Variants in SYNE3 observed in about 807,000 individuals in gnomAD.
The protein encoded by SYNE3 is nesprin-3.
SYNE3 carries 100 observed loss-of-function variants against 111.2 expected under a neutral mutation model. That is an observed-to-expected ratio of 0.90 (90% CI 0.77 to 1.06). The LOEUF (loss-of-function observed/expected upper bound fraction) is 1.06. SYNE3 is among the 50% of genes least tolerant of loss of function. The probability of loss-of-function intolerance (pLI) is 0.00; values close to 1 mark genes in which losing one functional copy is unlikely to be tolerated. For synonymous variants in SYNE3, 547 were observed against 533.9 expected, an observed-to-expected ratio of 1.02 and a Z score of -0.34; for missense variants, 1,160 against 1,240.3, an observed-to-expected ratio of 0.94 and a Z score of 0.97.
chr14:95,468,301 T>C (rs1435037206), intron 2 of SYNE3, among the ~76,000 whole-genome samples: 1 of 152,236 alleles, frequency 6.6e-6, no homozygotes, highest in Non-Finnish European at 1.5e-5. Context: ...CAAGTATTAA[T>C]CGTATCTATC....
chr14:95,464,809 A>G (rs979594336), intron 4 of SYNE3, among the ~76,000 whole-genome samples: 1 of 152,216 alleles, frequency 6.6e-6, no homozygotes, highest in East Asian at 1.9e-4. Context: ...ACAATCTACC[A>G]TGTCAGGGGA....
In SYNE3 at chr14:95,427,872, C is replaced by A. The variant is rs143297833; in HGVS notation, c.2727+4207G>T. Among the ~76,000 whole-genome samples, 533 of 152,332 alleles carry A rather than the reference C, an allele frequency of 3.5e-3. 1 individual carries two copies. The highest frequency in any genetic ancestry group is 0.012 in the African/African-American group (479 of 41,570). ...GTCTCCGCATATGGGGAGAAAAACT[C>A]ACCGACCCTGTGGGGCTGTTCCCTA... On this transcript the variant is annotated intron_variant, in intron 17 of 17. Transcript: ENST00000682763.
chr14:95,429,967 T>TAGGG (rs1885652935), intron 17 of SYNE3: 1 of 852,510 alleles, frequency 1.2e-6, no homozygotes, highest in African/African-American at 2.7e-5. Flanking sequence ...CAGTCAGAAC[T>TAGGG]AAGGAAGGAA....
Position 95,446,000 on chromosome 14 carries a change from C to T in SYNE3, c.1541G>A (p.Arg514Lys), listed in dbSNP as rs150102449. Residue 514 changes from arginine to lysine, a missense_variant, in exon 9 of 18, where the codon AGA becomes AAA. Transcript: ENST00000682763. ...CACCTGCTCCAGGAGTGCCGTGGCT[C>T]TCTCCTGGCCAAAGATGCCAATCAG... ...DLLIGIFGQE[R>K]ATALLEQVAG... The T allele has an allele frequency of 1.1e-5, 17 of 1,614,172 alleles. 1 individual carries two copies. In the African/African-American group the frequency reaches 1.7e-4, roughly 16 times the overall value.
intron 1 of SYNE3, among the ~76,000 whole-genome samples, chr14:95,484,985 G>T (rs879378139): frequency 1.3e-5 from 2 of 152,076 alleles, no homozygotes; most frequent in Non-Finnish European, 2.9e-5. Context: ...ATAAAACTGG[G>T]GGCTAAGAAT....
At chr14:95,498,965 T>C (rs17756392) in intron 1 of SYNE3, among the ~76,000 whole-genome samples, 13,612 of 152,244 alleles carry the variant, frequency 0.089, 672 homozygotes, top group African/African-American at 0.11. Context: ...CACAGAACCA[T>C]TCGAATCTCA....
chr14:95,486,152 C>T (rs777954872), intron 1 of SYNE3, among the ~76,000 whole-genome samples: 23 of 152,154 alleles, frequency 1.5e-4, no homozygotes, highest in South Asian at 2.1e-4. Context: ...GGGCCCTGGC[C>T]CCTGAGGAGA....
At chr14:95,447,569 G>A (rs1344819141) in intron 8 of SYNE3, among the ~76,000 whole-genome samples, 5 of 152,218 alleles carry the variant, frequency 3.3e-5, no homozygotes, top group African/African-American at 1.2e-4. Context: ...TTGAAGGGCA[G>A]GTGTTTCTGG....
intron 6 of SYNE3, 146 bp from the exon 7 acceptor site, chr14:95,452,529 G>A (rs1887158791): frequency 8.2e-6 from 8 of 978,172 alleles, no homozygotes; most frequent in Middle Eastern, 3.4e-4. Flanking sequence ...CCCCACTCTT[G>A]AGCTCAGCCC....
At chr14:95,458,748 G>T (rs185652952) in intron 4 of SYNE3, among the ~76,000 whole-genome samples, 2 of 152,306 alleles carry the variant, frequency 1.3e-5, no homozygotes, top group Admixed American at 6.5e-5. Context: ...ATCTCCCAGG[G>T]TCTAGCTCAG....
intron 8 of SYNE3, chr14:95,449,425 A>C (rs1038245286): frequency 1.0e-6 from 1 of 985,266 alleles, no homozygotes. Context: ...ATCCGGAGCC[A>C]GTTGTTGTTC....
At chr14:95,445,780 G>A (rs1190281420) in intron 9 of SYNE3, 129 bp downstream of exon 9, 17 of 980,744 alleles carry the variant, frequency 1.7e-5, no homozygotes, top group Non-Finnish European at 2.4e-5. Flanking sequence ...GGGACAAAGG[G>A]ATACACCCAG....
rs1903432786 is a variant in SYNE3, at chr14:95,411,421, G to GA, written c.*6404dup. On this transcript the variant is annotated 3_prime_UTR_variant, in exon 18 of 18. Coordinates refer to ENST00000682763, the MANE Select transcript of SYNE3 (RefSeq NM_152592.6). Reference sequence around the variant, plus strand: ...TGTCAAACAGGTTTTGCTCACATAAGAAAATGATTGATTGGCAGTAGCTTG... The same window carrying GA: ...TGTCAAACAGGTTTTGCTCACATAAGAAAAATGATTGATTGGCAGTAGCTTG... The GA allele has an allele frequency of 6.6e-6, 1 of 152,170 alleles. No individual in the cohort carries two copies. The highest frequency in any genetic ancestry group is 6.5e-5 in the Admixed American group (1 of 15,270). The allele number at this position is 152,170 out of a possible 1,614,324, so 9.4% of individuals were successfully genotyped here. A position where few individuals can be genotyped will look rare whatever the true frequency, so the allele number is the denominator to read the frequency against.
chr14:95,446,176 C>A (rs928759841), intron 8 of SYNE3, 85 bp from the exon 9 acceptor site: 2 of 1,500,182 alleles, frequency 1.3e-6, no homozygotes, highest in African/African-American at 1.4e-5. Context: ...GTTCTGGCTG[C>A]AACTGCTTAG....
chr14:95,449,805 C>G, intron 8 of SYNE3, 126 bp downstream of exon 8: 1 of 1,423,954 alleles, frequency 7.0e-7, no homozygotes. Context: ...GCAGACCGGG[C>G]GCAGTGAGCT....
intron 2 of SYNE3, among the ~76,000 whole-genome samples, chr14:95,473,284 G>A (rs1171911922): frequency 6.6e-6 from 1 of 152,004 alleles, no homozygotes; most frequent in African/African-American, 2.4e-5. Flanking sequence ...TCCTGCCAAT[G>A]TGTCTTCCTA....
At chr14:95,516,517 G>A (rs1000440415) in intron 1 of SYNE3, among the ~76,000 whole-genome samples, 79 bp downstream of exon 1, 1 of 151,528 alleles carries the variant, frequency 6.6e-6, no homozygotes, top group African/African-American at 2.4e-5. Flanking sequence ...CTGGGCCAGG[G>A]GCTGAGGACC....
intron 1 of SYNE3, among the ~76,000 whole-genome samples, chr14:95,490,899 G>A (rs918469457): frequency 5.3e-5 from 8 of 152,234 alleles, no homozygotes; most frequent in Non-Finnish European, 1.2e-4. Flanking sequence ...TGCATCATCC[G>A]TTGATATGTC....
intron 1 of SYNE3, among the ~76,000 whole-genome samples, chr14:95,504,199 T>C (rs1890441783): frequency 6.6e-6 from 1 of 152,266 alleles, no homozygotes; most frequent in Non-Finnish European, 1.5e-5. Flanking sequence ...CCCATTCATT[T>C]ACATAGCATC....
Sources: gnomAD v4.1 joint callset for allele counts (sites outside exome capture counted in the v4.1 genomes callset) on GRCh38, gnomAD v4.1.1 for gene constraint, MANE v1.5 for transcripts, NCBI Gene and HGNC (gene_info 2026-07-23, HGNC 2026-07-21) for gene names.